RSL24D1: variants seen among roughly 807,000 people sequenced by gnomAD.
RSL24D1 encodes ribosomal L24 domain containing 1, also known as probable ribosome biogenesis protein RLP24.
A neutral mutation model predicts 26.2 loss-of-function variants in RSL24D1; 6 were observed. That is an observed-to-expected ratio of 0.23 (90% CI 0.13 to 0.45). RSL24D1 has a LOEUF of 0.45. Among genes scored for constraint, RSL24D1 ranks in the 20% least tolerant of loss-of-function variants. The pLI is 0.99. For missense variants in RSL24D1, 176 were observed against 202.6 expected (o/e 0.87, Z 0.80); for synonymous variants, 61 against 59.1 (o/e 1.03, Z -0.15).
chr15:55,192,171 C>T (rs1276462928), intron 2 of RSL24D1, among the ~76,000 whole-genome samples: 1 of 152,154 alleles, frequency 6.6e-6, no homozygotes, highest in African/African-American at 2.4e-5. Flanking sequence ...GTAGCCTGTA[C>T]TGCATTTTCA....
At chr15:55,194,424 G>A (rs2140597999) in intron 1 of RSL24D1, 1 of 152,264 alleles carries the variant, frequency 6.6e-6, no homozygotes, top group Non-Finnish European at 1.5e-5. Context: ...CACATATGAG[G>A]AAGTGGTTAA....
At chr15:55,187,072 T>C (rs1894232536) in intron 3 of RSL24D1, among the ~76,000 whole-genome samples, 1 of 152,176 alleles carries the variant, frequency 6.6e-6, no homozygotes, top group South Asian at 2.1e-4. Flanking sequence ...GTGGCATCAT[T>C]TGGGAGCTTG....
At chr15:55,192,564 T>C (rs1894309066) in intron 2 of RSL24D1, 156 bp downstream of exon 2, 2 of 511,882 alleles carry the variant, frequency 3.9e-6, no homozygotes, top group East Asian at 3.2e-5. Context: ...TTAAGGATCA[T>C]GTGAGAATGA....
intron 3 of RSL24D1, among the ~76,000 whole-genome samples, chr15:55,189,193 C>CAAAAAAAAAAAAAAAAAAAAAAAAAAAA: frequency 1.5e-5 from 1 of 66,522 alleles, no homozygotes; most frequent in Non-Finnish European, 3.4e-5. Flanking sequence ...ACTCCCATCT[C>CAAAAAAAAAAAAAAAAAAAAAAAAAAAA]AAAAAAAAAA....
chr15:55,189,958 C>T (rs533482443), intron 3 of RSL24D1, among the ~76,000 whole-genome samples: 31 of 152,186 alleles, frequency 2.0e-4, no homozygotes, highest in Admixed American at 7.2e-4. Context: ...AAAAGAAGGC[C>T]GGGCCGGTGC....
rs1346694760 is a variant in RSL24D1 at position 55,196,910 on chromosome 15, C to T, written c.-20G>A. 2 of 1,611,964 alleles carry T rather than the reference C, an allele frequency of 1.2e-6. No homozygotes were observed. Among genetic ancestry groups the T allele is most frequent in the Admixed American group, 1.7e-5 (1 of 59,986 alleles). On this transcript the variant is annotated 5_prime_UTR_variant, in exon 1 of 6. Transcript: ENST00000260443. ...ACGCATGTTGAACCCGCGTGTAACC[C>T]CACCAAACAAACGCCAAGCTTGAGA... is the stretch of plus-strand genomic sequence containing the variant.
chr15:55,195,595 G>C (rs543315688), intron 1 of RSL24D1: 2 of 152,168 alleles, frequency 1.3e-5, no homozygotes, highest in Admixed American at 6.5e-5. Flanking sequence ...AAGCATCCTG[G>C]ACGAAAATCA....
chr15:55,196,681 C>T (rs756702364), intron 1 of RSL24D1, 129 bp downstream of exon 1: 29 of 820,608 alleles, frequency 3.5e-5, no homozygotes, highest in Non-Finnish European at 5.3e-5. Flanking sequence ...AGTTAAGCCA[C>T]CCTCCCAGGG....
intron 3 of RSL24D1, among the ~76,000 whole-genome samples, chr15:55,187,346 T>C (rs1387100364): frequency 1.3e-5 from 2 of 152,198 alleles, no homozygotes; most frequent in South Asian, 2.1e-4. Flanking sequence ...TTTAAACTTA[T>C]TTAGAAGGGA....
chr15:55,190,528 A>C (rs1894285053), intron 3 of RSL24D1, among the ~76,000 whole-genome samples: 1 of 152,212 alleles, frequency 6.6e-6, no homozygotes, highest in African/African-American at 2.4e-5. Flanking sequence ...TGATGACCTT[A>C]AGCACTACAC....
At position 55,182,208 on chromosome 15, in the gene RSL24D1, C is replaced by G. The variant is rs1371882795; in HGVS notation, c.436G>C (p.Glu146Gln). The G allele has an allele frequency of 4.4e-6, 7 of 1,604,686 alleles. No individual in the cohort carries two copies. Among genetic ancestry groups the G allele is most frequent in the Non-Finnish European group, 6.0e-6 (7 of 1,172,088 alleles). ...TGTAACTGCTGTACCATTTTCTCTT[C>G]CAACTGTTTCCCTTTGCCTTTAATA... ...APLAGKGKQL[E>Q]EKMVQQLQED... is the part of the protein sequence containing the mutation. The change falls in exon 6 of 6, where the codon GAA becomes CAA. Residue 146 changes from glutamate to glutamine, a missense_variant. By Grantham distance (29) the Glu-to-Gln change is conservative. Around this residue, in one of 3 missense-constraint regions of RSL24D1, gnomAD observed 43 missense variants for 38.7 expected, o/e 1.11. Coordinates refer to ENST00000260443, the MANE Select transcript of RSL24D1 (RefSeq NM_016304.3).
chr15:55,195,065 A>C (rs1377974332), intron 1 of RSL24D1, among the ~76,000 whole-genome samples: 1 of 151,826 alleles, frequency 6.6e-6, no homozygotes, highest in African/African-American at 2.4e-5. Context: ...AGAGGCTATA[A>C]AAGTGGTAAG....
In RSL24D1 at chr15:55,182,047, G is replaced by T; in HGVS notation, c.*105C>A. The T allele has an allele frequency of 1.5e-6, 1 of 678,310 alleles. No homozygotes were observed. Among genetic ancestry groups the T allele is most frequent in the East Asian group, 2.7e-5 (1 of 37,622 alleles). 42.0% of individuals were successfully genotyped at this position (678,310 alleles called of 1,614,324 possible). On this transcript the variant is annotated 3_prime_UTR_variant, in exon 6 of 6. Coordinates refer to ENST00000260443, the MANE Select transcript of RSL24D1 (RefSeq NM_016304.3). ...AATGCAGGAAAGATGTCTTTTAATCGCTTTTCATTTAAGTGACCTTATGTA... is the reference window on the plus strand; with the variant it reads ...AATGCAGGAAAGATGTCTTTTAATCTCTTTTCATTTAAGTGACCTTATGTA...
intron 1 of RSL24D1, among the ~76,000 whole-genome samples, chr15:55,193,860 C>A (rs1894326126): frequency 6.6e-6 from 1 of 151,930 alleles, no homozygotes; most frequent in African/African-American, 2.4e-5. Flanking sequence ...TTCAAATAGA[C>A]TAGAAAATAT....
rs1050026251 is a variant in RSL24D1, at chr15:55,191,749, T to C, written c.196-702A>G. On this transcript the variant is annotated intron_variant, in intron 2 of 5. Transcript: ENST00000260443. Reference sequence around the variant, plus strand: ...GGTTTTCAAATCTATCTGACAGGCATATAAAACAGCACTACCTCTGGATTT... The same window carrying C: ...GGTTTTCAAATCTATCTGACAGGCACATAAAACAGCACTACCTCTGGATTT... Among the ~76,000 whole-genome samples the C allele has an allele frequency of 3.5e-4, 54 of 152,192 alleles. 1 individual carries two copies. Among genetic ancestry groups the C allele is most frequent in the Non-Finnish European group, 8.8e-5 (6 of 68,030 alleles).
intron 1 of RSL24D1, 104 bp downstream of exon 1, chr15:55,196,706 A>C: frequency 2.7e-5 from 28 of 1,048,172 alleles, no homozygotes; most frequent in Middle Eastern, 2.1e-4. Flanking sequence ...AACGGGAGGA[A>C]CCCGGGCCAA....
In RSL24D1 at chr15:55,182,044, A is replaced by C; in HGVS notation, c.*108T>G. On this transcript the variant is annotated 3_prime_UTR_variant, in exon 6 of 6. Transcript: ENST00000260443. Reference sequence around the variant, plus strand: ...GGCAATGCAGGAAAGATGTCTTTTAATCGCTTTTCATTTAAGTGACCTTAT... The same window carrying C: ...GGCAATGCAGGAAAGATGTCTTTTACTCGCTTTTCATTTAAGTGACCTTAT... The C allele has an allele frequency of 1.5e-6, 1 of 668,624 alleles. No homozygotes were observed. Among genetic ancestry groups the C allele is most frequent in the Non-Finnish European group, 2.7e-6 (1 of 377,132 alleles). 41.4% of individuals were successfully genotyped at this position (668,624 alleles called of 1,614,324 possible). A position where few individuals can be genotyped will look rare whatever the true frequency, so the allele number is the denominator to read the frequency against.
At chr15:55,186,370 A>T (rs1894224428) in intron 3 of RSL24D1, among the ~76,000 whole-genome samples, 2 of 152,168 alleles carry the variant, frequency 1.3e-5, no homozygotes, top group African/African-American at 4.8e-5. Context: ...TCTTCAGTGG[A>T]AAAACCTGGC....
chr15:55,188,780 ATACCCGCTAAG>A (rs1220028871), intron 3 of RSL24D1, among the ~76,000 whole-genome samples: 2 of 152,246 alleles, frequency 1.3e-5, no homozygotes, highest in African/African-American at 2.4e-5. Context: ...AACAACCTAA[ATACCCGCTAAG>A]TAAAAGTAGT....
Sources: allele counts gnomAD v4.1 joint callset (sites outside exome capture counted in the v4.1 genomes callset), GRCh38; gene constraint gnomAD v4.1.1; regional missense constraint gnomAD v4.1.1; transcripts MANE v1.5; gene names NCBI Gene and HGNC (gene_info 2026-07-23, HGNC 2026-07-21).